Variants in CCDC149 observed in about 807,000 individuals in gnomAD.
The protein encoded by CCDC149 is coiled-coil domain-containing protein 149.
A neutral mutation model predicts 59.9 loss-of-function variants in CCDC149; 45 were observed. That is an observed-to-expected ratio of 0.75 (90% confidence interval 0.59 to 0.96). The LOEUF (loss-of-function observed/expected upper bound fraction) is 0.96. Among genes scored for constraint, CCDC149 ranks in the 40% least tolerant of loss-of-function variants. The pLI is 0.00. For missense variants in CCDC149, 584 were observed against 664.7 expected, an observed-to-expected ratio of 0.88 and a Z score of 1.33; for synonymous variants, 245 against 260.6, an observed-to-expected ratio of 0.94 and a Z score of 0.58.
At chr4:24,804,462 C>T (rs890670057), downstream of CCDC149, among the ~76,000 whole-genome samples, 6 of 145,084 alleles carry the variant, frequency 4.1e-5, no homozygotes, top group South Asian at 1.3e-3. Flanking sequence ...CTGCACTCCA[C>T]CCTGGGTGAC....
intron 8 of CCDC149, 51 bp from the exon 9 acceptor site, chr4:24,831,701 G>C (rs1198686165): frequency 6.5e-7 from 1 of 1,548,174 alleles, no homozygotes; most frequent in Admixed American, 1.8e-5. Context: ...CTGAAACGCT[G>C]GAATGCAAAC....
chr4:24,928,214 A>G (rs1669354690), intron 1 of CCDC149, among the ~76,000 whole-genome samples: 1 of 152,242 alleles, frequency 6.6e-6, no homozygotes, highest in Admixed American at 6.5e-5. Flanking sequence ...GAGATAAAGA[A>G]GGAAAACACT....
intron 4 of CCDC149, among the ~76,000 whole-genome samples, chr4:24,847,563 A>G (rs890681852): frequency 6.6e-6 from 1 of 152,196 alleles, no homozygotes; most frequent in African/African-American, 2.4e-5. Flanking sequence ...TAGAAAGTTA[A>G]TTAGCATGTA....
chr4:24,895,059 GTGA>G (rs1560242553), intron 1 of CCDC149: 3 of 1,509,978 alleles, frequency 2.0e-6, no homozygotes, highest in Non-Finnish European at 2.7e-6. Context: ...GACCATGATG[GTGA>G]TGATGATGAG....
At chr4:24,849,040 C>T (rs933537606) in intron 4 of CCDC149, among the ~76,000 whole-genome samples, 1 of 152,172 alleles carries the variant, frequency 6.6e-6, no homozygotes, top group African/African-American at 2.4e-5. Context: ...TCTGCTAGTT[C>T]TGCTGTTTGA....
At chr4:24,924,393 T>A (rs924921388) in intron 1 of CCDC149, among the ~76,000 whole-genome samples, 10 of 152,248 alleles carry the variant, frequency 6.6e-5, no homozygotes, top group African/African-American at 1.7e-4. Flanking sequence ...CACGTTATGT[T>A]CATGGATTCC....
rs183739519 is a variant in CCDC149, at chr4:24,952,424, T to G, written c.-65+27645A>C. 8.3e-4 allele frequency among the ~76,000 whole-genome samples: 126 copies of G among 151,268 alleles called. 1 individual carries two copies. The highest frequency in any genetic ancestry group is 2.7e-3 in the African/African-American group (110 of 41,184). On this transcript the variant is annotated intron_variant, in intron 1 of 12. Transcript: ENST00000389609. ...CTGGCCAACATGGTGAAACCCCATC[T>G]CTACTAAAAATACAACAATTATCCA... is the stretch of plus-strand genomic sequence containing the variant.
chr4:24,912,784 G>T, intron 1 of CCDC149, 33 bp downstream of exon 1: 1 of 1,280,854 alleles, frequency 7.8e-7, no homozygotes, highest in South Asian at 2.0e-5. Flanking sequence ...GCTCGGCCCG[G>T]CCCATCCCGC....
intron 8 of CCDC149, 32 bp from the exon 9 acceptor site, chr4:24,831,682 G>A (rs770683872): frequency 1.6e-5 from 26 of 1,594,890 alleles, no homozygotes; most frequent in African/African-American, 6.7e-5. Context: ...TAACTCAGTC[G>A]TCATTCTTCT....
upstream of CCDC149, among the ~76,000 whole-genome samples, chr4:24,914,567 C>A (rs1323133374): frequency 2.9e-5 from 4 of 139,282 alleles, no homozygotes; most frequent in Non-Finnish European, 6.3e-5. Flanking sequence ...TGCCTGCCGC[C>A]CCCTCCACGC....
chr4:24,953,311 T>C (rs149514151), intron 1 of CCDC149, among the ~76,000 whole-genome samples: 2 of 152,326 alleles, frequency 1.3e-5, no homozygotes, highest in African/African-American at 4.8e-5. Flanking sequence ...TCCAGGAACA[T>C]GTGCATTGTT....
chr4:24,974,143 C>A (rs1293662473), intron 1 of CCDC149, among the ~76,000 whole-genome samples: 2 of 152,242 alleles, frequency 1.3e-5, no homozygotes, highest in Non-Finnish European at 2.9e-5. Flanking sequence ...GGGCACAGCT[C>A]CTTTTGACAG....
chr4:24,977,452 C>T (rs1033985652), intron 1 of CCDC149, among the ~76,000 whole-genome samples: 6 of 152,188 alleles, frequency 3.9e-5, no homozygotes, highest in Admixed American at 6.5e-5. Flanking sequence ...TCCCCAACAC[C>T]TCTGTTATTT....
In CCDC149 at chr4:24,819,930, C is replaced by A; in HGVS notation, c.1121G>T (p.Gly374Val). The change falls in exon 12 of 13, where the codon GGA becomes GTA. Residue 374 changes from glycine (G) to valine (V), a missense_variant. Coordinates refer to ENST00000635206, the MANE Select transcript of CCDC149 (RefSeq NM_001330643.2). ...CAGCAGTGGGGATCTCGACCTCTGT[C>A]CACTAGGAAGAGTGGGGTCGCTGAA... 1 of 1,551,598 alleles carries A rather than the reference C, an allele frequency of 6.4e-7. No individual in the cohort carries two copies. Among genetic ancestry groups the A allele is most frequent in the Non-Finnish European group, 8.7e-7 (1 of 1,146,974 alleles).
chr4:24,895,520 A>G (rs1439070115), intron 1 of CCDC149, among the ~76,000 whole-genome samples: 1 of 152,168 alleles, frequency 6.6e-6, no homozygotes, highest in African/African-American at 2.4e-5. Context: ...GTGAATTTAC[A>G]TTGCTCGGTG....
rs768071017 is a variant in CCDC149 at position 24,852,287 on chromosome 4, TACACACACACACAC to T, written c.372+771_372+784del. Among the ~76,000 whole-genome samples, 587 of 121,348 alleles carry T rather than the reference TACACACACACACAC, an allele frequency of 4.8e-3. 8 individuals are homozygous for T. The highest frequency in any genetic ancestry group is 0.018 in the African/African-American group (542 of 30,472). 79.6% of individuals were successfully genotyped at this position (121,348 alleles called of 152,430 possible). On this transcript the variant is annotated intron_variant, in intron 4 of 12. Coordinates refer to ENST00000635206, the MANE Select transcript of CCDC149 (RefSeq NM_001330643.2). ...AGAACTGCTCCCCTCCAACACACCA[TACACACACACACAC>T]ACACACACACACACACACACACACA...
chr4:24,958,503 C>A (rs185153657), intron 1 of CCDC149, among the ~76,000 whole-genome samples: 1 of 152,318 alleles, frequency 6.6e-6, no homozygotes, highest in East Asian at 1.9e-4. Context: ...TCCACTAATT[C>A]TATCAACTAT....
chr4:24,966,747 A>G (rs925797403), intron 1 of CCDC149, among the ~76,000 whole-genome samples: 3 of 152,252 alleles, frequency 2.0e-5, no homozygotes, highest in Non-Finnish European at 4.4e-5. Flanking sequence ...ACATTGCTGC[A>G]TGACCTGGTC....
chr4:24,931,640 T>C (rs1407390792), intron 1 of CCDC149, among the ~76,000 whole-genome samples: 1 of 151,364 alleles, frequency 6.6e-6, no homozygotes, highest in Non-Finnish European at 1.5e-5. Context: ...ATGACCCTAA[T>C]TGCAAAAGCA....
Sources: allele counts gnomAD v4.1 joint callset (sites outside exome capture counted in the v4.1 genomes callset), GRCh38; gene constraint gnomAD v4.1.1; transcripts MANE v1.5; gene names NCBI Gene and HGNC (gene_info 2026-07-23, HGNC 2026-07-21).